Variants in PLEKHA8 observed in about 807,000 individuals in gnomAD.
The protein encoded by PLEKHA8 is pleckstrin homology domain containing A8.
A neutral mutation model predicts 68.2 loss-of-function variants in PLEKHA8; 36 were observed. That is an observed-to-expected ratio of 0.53 (90% CI 0.40 to 0.70). PLEKHA8 has a LOEUF of 0.70. PLEKHA8 is among the 30% of genes least tolerant of loss of function. The probability of loss-of-function intolerance (pLI) is 0.00; values close to 1 mark genes in which losing one functional copy is unlikely to be tolerated. For synonymous variants in PLEKHA8, 211 were observed against 216.1 expected, an observed-to-expected ratio of 0.98 and a Z score of 0.20; for missense variants, 505 against 615.4, an observed-to-expected ratio of 0.82 and a Z score of 1.90.
At chr7:30,061,613 A>G (rs542183519) in intron 10 of PLEKHA8, among the ~76,000 whole-genome samples, 149 of 152,350 alleles carry the variant, frequency 9.8e-4, no homozygotes, top group Admixed American at 1.2e-3. Context: ...TTTTATATTC[A>G]GAGTGAAAAG....
chr7:30,060,767 T>G, intron 9 of PLEKHA8, 117 bp from the exon 10 acceptor site: 1 of 780,444 alleles, frequency 1.3e-6, no homozygotes, highest in South Asian at 1.6e-5. Flanking sequence ...AGATAAATGA[T>G]TTGGAAGCAA....
exon 13 of PLEKHA8, chr7:30,090,509 A>T: frequency 4.3e-6 from 1 of 230,910 alleles, no homozygotes; most frequent in Non-Finnish European, 8.5e-6. Flanking sequence ...GTAGAAAAAA[A>T]GCTGGTGGTG....
chr7:30,076,161 C>T (rs1794598149), intron 13 of PLEKHA8, among the ~76,000 whole-genome samples: 1 of 151,346 alleles, frequency 6.6e-6, no homozygotes, highest in Non-Finnish European at 1.5e-5. Flanking sequence ...CTACCTTTAG[C>T]TTGTATAATT....
intron 9 of PLEKHA8, among the ~76,000 whole-genome samples, chr7:30,056,331 T>A (rs999119002): frequency 5.4e-5 from 7 of 130,420 alleles, no homozygotes; most frequent in South Asian, 2.4e-4. Context: ...TATATATATA[T>A]AAATAACATA....
At chr7:30,115,481 C>A (rs13310981) in intron 13 of PLEKHA8, among the ~76,000 whole-genome samples, 3 of 151,420 alleles carry the variant, frequency 2.0e-5, no homozygotes, top group Non-Finnish European at 4.4e-5. Context: ...CACATGTATA[C>A]GTGTATGTAG....
intron 13 of PLEKHA8, among the ~76,000 whole-genome samples, chr7:30,076,887 A>G (rs970640296): frequency 1.3e-5 from 2 of 152,202 alleles, no homozygotes; most frequent in African/African-American, 4.8e-5. Context: ...TTTACATCCA[A>G]GGAATTTGAC....
chr7:30,070,695 A>C (rs1400064855), intron 12 of PLEKHA8, among the ~76,000 whole-genome samples: 2 of 151,808 alleles, frequency 1.3e-5, no homozygotes, highest in Non-Finnish European at 2.9e-5. Context: ...ACGGGCACCC[A>C]CCACCACACC....
chr7:30,063,739 A>T lies in PLEKHA8; in HGVS notation c.1300+997A>T, dbSNP rs376036061. 2.6e-5 allele frequency among the ~76,000 whole-genome samples: 4 copies of T among 152,300 alleles called. 1 individual carries two copies. The East Asian group carries it at 7.7e-4, about 29-fold the overall frequency. On this transcript the variant is annotated intron_variant, in intron 12 of 13. Coordinates refer to ENST00000449726, the MANE Select transcript of PLEKHA8 (RefSeq NM_001197026.2). ...CTATAGCACTTTGTGAACAATGTAG[A>T]CTTCATAAACTTAATCCTCATTTCA...
chr7:30,115,086 CACTT>C lies in PLEKHA8; in HGVS notation c.1363-14179_1363-14176del, dbSNP rs565095329. 1.8e-4 allele frequency among the ~76,000 whole-genome samples: 28 copies of C among 152,242 alleles called. No individual in the cohort carries two copies. The East Asian group carries it at 5.0e-3, about 27-fold the overall frequency. ...GGCAGCATCCCACATCCTTACCACT[CACTT>C]CTCTCTTTGTTACTGACACACCTGG... On this transcript the variant is annotated intron_variant, in intron 13 of 13. Coordinates refer to the PLEKHA8 transcript ENST00000396257.
intron 12 of PLEKHA8, among the ~76,000 whole-genome samples, chr7:30,064,311 G>A (rs780511227): frequency 1.2e-4 from 18 of 152,158 alleles, no homozygotes; most frequent in Admixed American, 5.9e-4. Context: ...CTGTACTTTC[G>A]GAGACTGAGG....
intron 13 of PLEKHA8, among the ~76,000 whole-genome samples, chr7:30,123,457 C>A (rs534595181): frequency 6.6e-6 from 1 of 152,230 alleles, no homozygotes; most frequent in Non-Finnish European, 1.5e-5. Context: ...ATCAAGGGAT[C>A]CCCGTCCTCA....
chr7:30,090,458 A>C (rs1795371268), exon 13 of PLEKHA8: 2 of 311,340 alleles, frequency 6.4e-6, no homozygotes, highest in Non-Finnish European at 1.2e-5. Flanking sequence ...AAACCATTTG[A>C]TAGGAAAGAT....
At position 30,079,010 on chromosome 7, in the gene PLEKHA8, C is replaced by A; in HGVS notation, c.*223C>A. ...TCAGTTCAGCAGGCCTACTGGAAAC[C>A]AAATGATAAGCTGCTGTAGACTTGA... On this transcript the variant is annotated 3_prime_UTR_variant, in exon 14 of 14. Coordinates refer to ENST00000449726, the MANE Select transcript of PLEKHA8 (RefSeq NM_001197026.2). The A allele has an allele frequency of 7.6e-7, 1 of 1,308,454 alleles. No individual in the cohort carries two copies. The highest frequency in any genetic ancestry group is 9.7e-7 in the Non-Finnish European group (1 of 1,030,178). The allele number at this position is 1,308,454 out of a possible 1,614,324, so 81.1% of individuals were successfully genotyped here.
chr7:30,101,294 T>A (rs1301311851), intron 13 of PLEKHA8, among the ~76,000 whole-genome samples: 1 of 151,980 alleles, frequency 6.6e-6, no homozygotes, highest in East Asian at 1.9e-4. Flanking sequence ...AGAATAAAAG[T>A]CTGTTTTAGT....
chr7:30,052,557 G>A, intron 6 of PLEKHA8, 152 bp from the exon 7 acceptor site: 1 of 575,344 alleles, frequency 1.7e-6, no homozygotes, highest in Non-Finnish European at 2.8e-6. Flanking sequence ...CAAGTAGGAG[G>A]ATTGATTGAG....
At chr7:30,126,983 G>A (rs762314289) in intron 13 of PLEKHA8, among the ~76,000 whole-genome samples, 3 of 152,184 alleles carry the variant, frequency 2.0e-5, no homozygotes, top group East Asian at 1.9e-4. Context: ...ATCTTAAATT[G>A]TATTTGATTC....
intron 1 of PLEKHA8, among the ~76,000 whole-genome samples, chr7:30,035,948 A>G (rs981247162): frequency 6.6e-6 from 1 of 151,658 alleles, no homozygotes; most frequent in Admixed American, 6.6e-5. Flanking sequence ...GCCCGGCCAT[A>G]TATTCTTAAT....
downstream of PLEKHA8, among the ~76,000 whole-genome samples, chr7:30,093,286 C>CT (rs1380626724): frequency 3.9e-5 from 6 of 152,344 alleles, no homozygotes; most frequent in Admixed American, 2.6e-4. Context: ...GTGTGAAAAA[C>CT]TTCCTATAGG....
intron 13 of PLEKHA8, among the ~76,000 whole-genome samples, chr7:30,123,090 A>G (rs1486386430): frequency 1.3e-5 from 2 of 152,174 alleles, no homozygotes; most frequent in Non-Finnish European, 1.5e-5. Context: ...GACTAAGACA[A>G]CTAGAACCCA....
Sources: allele counts gnomAD v4.1 joint callset (sites outside exome capture counted in the v4.1 genomes callset), GRCh38; gene constraint gnomAD v4.1.1; transcripts MANE v1.5; gene names NCBI Gene and HGNC (gene_info 2026-07-23, HGNC 2026-07-21).